Variants in TAB2 observed in about 807,000 individuals in gnomAD.
TAB2 encodes the protein TGF-beta activated kinase 1 (MAP3K7) binding protein 2.
In TAB2, 3 loss-of-function variants were observed where a neutral mutation model predicts 65.0. The observed-to-expected ratio is 0.05, with a 90% CI of 0.02 to 0.12. The LOEUF is 0.12. TAB2 is among the 10% of genes least tolerant of loss of function. The pLI, the probability that TAB2 is intolerant of heterozygous loss-of-function variation, is 1.00. For synonymous variants in TAB2, 298 were observed against 285.1 expected (o/e 1.05, Z -0.46); for missense variants, 623 against 840.3 (o/e 0.74, Z 3.20).
At chr6:149,342,126 G>A (rs1367547100) in intron 1 of TAB2, among the ~76,000 whole-genome samples, 1 of 151,684 alleles carries the variant, frequency 6.6e-6, no homozygotes, top group Non-Finnish European at 1.5e-5. Context: ...CATCTTATGA[G>A]CTGTTCTTTG....
chr6:149,379,112 G>A lies in TAB2; in HGVS notation c.1197G>A (p.Gln399=), dbSNP rs772902104. 3 of 1,614,030 alleles carry A rather than the reference G, an allele frequency of 1.9e-6. No individual in the cohort carries two copies. The Admixed American group carries it at 5.0e-5, about 27-fold the overall frequency. The change falls in exon 3 of 7, where the codon CAG becomes CAA. Residue 399 remains glutamine, a synonymous_variant. Transcript: ENST00000637181. Reference sequence around the variant, plus strand: ...CGAATGCTGCCACAGGAGATGAACAGGTCATGCGGAATCAGCCCACACTCT... The same window carrying A: ...CGAATGCTGCCACAGGAGATGAACAAGTCATGCGGAATCAGCCCACACTCT... ...ISANAATGDE[Q]VMRNQPTLFI...
chr6:149,345,526 A>G (rs2114789652), intron 1 of TAB2, among the ~76,000 whole-genome samples: 1 of 151,792 alleles, frequency 6.6e-6, no homozygotes, highest in East Asian at 2.0e-4. Context: ...GAAATATATA[A>G]GGAATAACTT....
rs562280375 is a variant in TAB2 at position 149,385,748 on chromosome 6, T to G, written c.1603+6230T>G. Among the ~76,000 whole-genome samples, 513 of 152,334 alleles carry G rather than the reference T, an allele frequency of 3.4e-3. 2 individuals carry two copies. Among genetic ancestry groups the G allele is most frequent in the African/African-American group, 0.012 (487 of 41,574 alleles). ...ATCCTTTCTGTACTTTAAATTCTTA[T>G]GAGACACAAACTGCCTCCTAAGGTA... On this transcript the variant is annotated intron_variant, in intron 3 of 6. Coordinates refer to ENST00000637181, the MANE Select transcript of TAB2 (RefSeq NM_001292034.3).
intron 1 of TAB2, among the ~76,000 whole-genome samples, chr6:149,254,213 C>G (rs1777957047): frequency 6.6e-6 from 1 of 152,052 alleles, no homozygotes; most frequent in African/African-American, 2.4e-5. Context: ...TACGCTCCCC[C>G]AAAGACCTCC....
intron 1 of TAB2, chr6:149,247,541 T>C (rs1777748148): frequency 6.6e-6 from 1 of 152,250 alleles, no homozygotes; most frequent in African/African-American, 2.4e-5. Flanking sequence ...ATTTTGGGTT[T>C]TGGCCTCTCT....
chr6:149,408,384 C>G (rs1453107693), intron 6 of TAB2, among the ~76,000 whole-genome samples: 1 of 152,092 alleles, frequency 6.6e-6, no homozygotes, highest in Non-Finnish European at 1.5e-5. Flanking sequence ...GAGGACTTAG[C>G]AAGAAAATTT....
chr6:149,363,416 A>G (rs969358450), intron 1 of TAB2, among the ~76,000 whole-genome samples: 5 of 152,188 alleles, frequency 3.3e-5, no homozygotes, highest in African/African-American at 9.6e-5. Flanking sequence ...GTGTAGAGGC[A>G]TGAGGCAGGG....
chr6:149,339,224 G>A (rs1780025440), intron 1 of TAB2, among the ~76,000 whole-genome samples: 1 of 152,072 alleles, frequency 6.6e-6, no homozygotes, highest in Non-Finnish European at 1.5e-5. Flanking sequence ...TTAGCTGGGT[G>A]TGGTGGCACG....
chr6:149,390,686 T>C (rs145206642), intron 3 of TAB2, among the ~76,000 whole-genome samples: 1,591 of 152,326 alleles, frequency 0.01, 13 homozygotes, highest in Non-Finnish European at 0.016. Context: ...GCCCTGGTGC[T>C]TGAATTCACT....
chr6:149,272,541 G>T (rs1261539653), intron 1 of TAB2, among the ~76,000 whole-genome samples: 2 of 152,132 alleles, frequency 1.3e-5, no homozygotes, highest in Non-Finnish European at 2.9e-5. Flanking sequence ...TGCTCCTGTT[G>T]TCACGTTTCC....
intron 3 of TAB2, 71 bp downstream of exon 3, chr6:149,379,589 G>A (rs1781542885): frequency 7.1e-7 from 1 of 1,408,824 alleles, no homozygotes; most frequent in Non-Finnish European, 1.0e-6. Flanking sequence ...TTTCACAACA[G>A]AAATGGATGT....
intron 2 of TAB2, among the ~76,000 whole-genome samples, chr6:149,371,825 G>GA (rs966144877): frequency 1.3e-4 from 19 of 150,314 alleles, no homozygotes; most frequent in South Asian, 6.3e-4. Flanking sequence ...TATAAAATGT[G>GA]AAAAAAAAAT....
At chr6:149,263,047 C>T (rs1778187687) in intron 1 of TAB2, among the ~76,000 whole-genome samples, 1 of 152,154 alleles carries the variant, frequency 6.6e-6, no homozygotes, top group Non-Finnish European at 1.5e-5. Flanking sequence ...TCAAGCGATC[C>T]TCCTGCCTTG....
chr6:149,338,339 A>G (rs1779995916), intron 1 of TAB2, among the ~76,000 whole-genome samples: 1 of 152,206 alleles, frequency 6.6e-6, no homozygotes, highest in Non-Finnish European at 1.5e-5. Context: ...CTATGGAAGT[A>G]ATTGTGGACT....
chr6:149,350,074 G>T (rs537823101), intron 1 of TAB2, among the ~76,000 whole-genome samples: 6 of 152,186 alleles, frequency 3.9e-5, no homozygotes, highest in African/African-American at 1.4e-4. Context: ...TGGGATTACA[G>T]GCGCCTGCCA....
At chr6:149,238,641 C>T (rs1229961561) in intron 1 of TAB2, among the ~76,000 whole-genome samples, 1 of 152,226 alleles carries the variant, frequency 6.6e-6, no homozygotes, top group Non-Finnish European at 1.5e-5. Flanking sequence ...CGATACTTAA[C>T]AGTTGCCACA....
chr6:149,375,469 A>C (rs1253410994), intron 2 of TAB2, among the ~76,000 whole-genome samples: 1 of 152,156 alleles, frequency 6.6e-6, no homozygotes, highest in African/African-American at 2.4e-5. Flanking sequence ...ATATTGAATA[A>C]TTACAGAGAT....
At chr6:149,310,842 A>T (rs72557709) in intron 1 of TAB2, among the ~76,000 whole-genome samples, 9,557 of 152,296 alleles carry the variant, frequency 0.063, 375 homozygotes, top group East Asian at 0.15. Flanking sequence ...AAAATCACAT[A>T]GTCTTCTTTG....
At chr6:149,251,547 G>A (rs979009606) in intron 1 of TAB2, among the ~76,000 whole-genome samples, 2 of 152,054 alleles carry the variant, frequency 1.3e-5, no homozygotes, top group Non-Finnish European at 2.9e-5. Flanking sequence ...GCATAATTCT[G>A]TGGCAGCCCA....
Sources: allele counts gnomAD v4.1 joint callset (sites outside exome capture counted in the v4.1 genomes callset), GRCh38; gene constraint gnomAD v4.1.1; transcripts MANE v1.5; gene names NCBI Gene and HGNC (gene_info 2026-07-23, HGNC 2026-07-21).